CEP83: variants seen among roughly 807,000 people sequenced by gnomAD.
CEP83 encodes the protein centrosomal protein 83, also known as centrosomal protein of 83 kDa.
A neutral mutation model predicts 101.9 loss-of-function variants in CEP83; 70 were observed. The ratio of observed to expected loss-of-function variants is 0.69; its 90% CI spans 0.57 to 0.84. The LOEUF is 0.84. Ranked by LOEUF, CEP83 falls within the 40% of genes least tolerant of loss-of-function variation. The probability of loss-of-function intolerance (pLI) is 0.00; values close to 1 mark genes in which losing one functional copy is unlikely to be tolerated. For missense variants in CEP83, 715 were observed against 787.2 expected, an observed-to-expected ratio of 0.91 and a Z score of 1.10; for synonymous variants, 264 against 267.9, an observed-to-expected ratio of 0.99 and a Z score of 0.14.
At chr12:94,415,954 T>TA (rs1181247849) in intron 2 of CEP83, among the ~76,000 whole-genome samples, 1 of 151,928 alleles carries the variant, frequency 6.6e-6, no homozygotes, top group Non-Finnish European at 1.5e-5. Context: ...GCCAGGTATT[T>TA]AAAAAAAATT....
intron 14 of CEP83, among the ~76,000 whole-genome samples, chr12:94,315,673 A>C (rs1315049357): frequency 1.3e-5 from 2 of 151,764 alleles, no homozygotes; most frequent in Non-Finnish European, 2.9e-5. Context: ...ATTTTCTCCC[A>C]AGTTTTCATC....
intron 11 of CEP83, among the ~76,000 whole-genome samples, chr12:94,340,940 AG>A (rs1388463967): frequency 6.6e-6 from 1 of 152,250 alleles, no homozygotes; most frequent in East Asian, 1.9e-4. Flanking sequence ...TCCTAGATCC[AG>A]GTGTCCCTGA....
intron 2 of CEP83, among the ~76,000 whole-genome samples, chr12:94,418,465 C>T (rs2064461242): frequency 6.6e-6 from 1 of 152,094 alleles, no homozygotes; most frequent in East Asian, 1.9e-4. Flanking sequence ...TGGGAAGATA[C>T]AACTACAGAA....
In CEP83 at chr12:94,436,826, CAA is replaced by C. The variant is rs755179387; in HGVS notation, c.-154-1501_-154-1500del. On this transcript the variant is annotated intron_variant, in intron 1 of 16. Coordinates refer to ENST00000397809, the MANE Select transcript of CEP83 (RefSeq NM_016122.3). ...TGGGCAACAGGGGGAGACTCCATCTCAAAAAAAAAAAAAAGAAAGAAGGAAAG... is the reference window on the plus strand; with the variant it reads ...TGGGCAACAGGGGGAGACTCCATCTCAAAAAAAAAAAAGAAAGAAGGAAAG... Among the ~76,000 whole-genome samples, 55 of 67,162 alleles carry C rather than the reference CAA, an allele frequency of 8.2e-4. No homozygotes were observed. The East Asian group carries it at 0.013, about 16-fold the overall frequency. The allele number at this position is 67,162 out of a possible 152,430, so 44.1% of individuals were successfully genotyped here.
chr12:94,410,388 G>A (rs1336966073), intron 4 of CEP83, among the ~76,000 whole-genome samples: 1 of 152,156 alleles, frequency 6.6e-6, no homozygotes, highest in Non-Finnish European at 1.5e-5. Flanking sequence ...TAGGCATAGA[G>A]ACATAGTTAC....
intron 11 of CEP83, among the ~76,000 whole-genome samples, chr12:94,338,653 A>C (rs555165995): frequency 1.3e-5 from 2 of 152,346 alleles, no homozygotes; most frequent in Admixed American, 6.5e-5. Context: ...GAAACTGTTA[A>C]AAGTTTTAAT....
intron 11 of CEP83, among the ~76,000 whole-genome samples, chr12:94,355,491 A>C (rs2060421663): frequency 6.6e-6 from 1 of 151,742 alleles, no homozygotes; most frequent in African/African-American, 2.4e-5. Context: ...ACTCCGTCTC[A>C]AAAAAAAAGA....
At chr12:94,353,925 A>G (rs1565970098) in intron 11 of CEP83, among the ~76,000 whole-genome samples, 1 of 152,164 alleles carries the variant, frequency 6.6e-6, no homozygotes, top group African/African-American at 2.4e-5. Context: ...AAAAAACCCA[A>G]TTCAGCAAGA....
chr12:94,385,482 G>T (rs1429681080), intron 6 of CEP83, among the ~76,000 whole-genome samples: 1 of 152,120 alleles, frequency 6.6e-6, no homozygotes, highest in Non-Finnish European at 1.5e-5. Context: ...GGGAGCCCTT[G>T]TTATTACCCA....
At position 94,333,637 on chromosome 12, in the gene CEP83, T is replaced by C. The variant is rs771691930; in HGVS notation, c.1422A>G (p.Gln474=). Residue 474 remains glutamine, a splice_region_variant and synonymous_variant, in exon 13 of 17, where the codon CAA becomes CAG. Transcript: ENST00000397809. ...EKNENSDLKQ[Q]ISSLQIQVTS... is the part of the protein sequence containing the mutation. ...TCACTTGGATCTGCAAACTACTGAT[T>C]TGCTTAAAAGAGAAGAAAGAAGATA... is the stretch of plus-strand genomic sequence containing the variant. The C allele has an allele frequency of 1.2e-6, 2 of 1,611,308 alleles. No homozygotes were observed. The highest frequency in any genetic ancestry group is 1.7e-6 in the Non-Finnish European group (2 of 1,179,158).
At chr12:94,445,086 T>A (rs1364399828) in intron 1 of CEP83, among the ~76,000 whole-genome samples, 1 of 152,090 alleles carries the variant, frequency 6.6e-6, no homozygotes, top group Non-Finnish European at 1.5e-5. Flanking sequence ...CTTCACTTAT[T>A]AAAGTGCCAT....
At chr12:94,404,386 C>G (rs1228933188) in intron 4 of CEP83, among the ~76,000 whole-genome samples, 1 of 152,138 alleles carries the variant, frequency 6.6e-6, no homozygotes, top group East Asian at 1.9e-4. Context: ...AACCCAAACT[C>G]AAGCCAGGTA....
intron 16 of CEP83, 31 bp downstream of exon 16, chr12:94,309,887 T>TC: frequency 7.4e-7 from 1 of 1,352,890 alleles, no homozygotes; most frequent in East Asian, 2.5e-5. Context: ...ATGTACGACT[T>TC]TTTTTTTCCC....
intron 14 of CEP83, among the ~76,000 whole-genome samples, chr12:94,317,001 G>A (rs564880037): frequency 7.2e-5 from 11 of 152,224 alleles, no homozygotes; most frequent in African/African-American, 2.6e-4. Flanking sequence ...TTACCACACT[G>A]CTTTCCACAA....
At chr12:94,406,502 G>A (rs959331337) in intron 4 of CEP83, among the ~76,000 whole-genome samples, 1 of 152,006 alleles carries the variant, frequency 6.6e-6, no homozygotes, top group Admixed American at 6.6e-5. Flanking sequence ...GTGGGGGCAG[G>A]GGGGATAAAC....
the CEP83 span, chr12:94,278,174 C>T: frequency 2.6e-6 from 1 of 384,542 alleles, no homozygotes; most frequent in Non-Finnish European, 5.2e-6. Flanking sequence ...ATTCCCATTA[C>T]TTGATCATTT....
chr12:94,281,859 C>G, the CEP83 span: 2 of 165,044 alleles, frequency 1.2e-5, no homozygotes, highest in Non-Finnish European at 2.7e-5. Context: ...GCAGCCTTGG[C>G]CAGAGAGTCT....
At chr12:94,406,881 C>T (rs943840335) in intron 4 of CEP83, among the ~76,000 whole-genome samples, 1 of 150,866 alleles carries the variant, frequency 6.6e-6, no homozygotes, top group African/African-American at 2.4e-5. Context: ...GAGCCAAGAT[C>T]GCGCCACTGC....
chr12:94,395,736 G>C lies in CEP83; in HGVS notation c.549+5114C>G, dbSNP rs562891190. ...CTCGGGAGGCTGAGGCAGGAGAATGGCATGAACCCAGAAGGCAGAGCTTGC... is the reference window on the plus strand; with the variant it reads ...CTCGGGAGGCTGAGGCAGGAGAATGCCATGAACCCAGAAGGCAGAGCTTGC... On this transcript the variant is annotated intron_variant, in intron 6 of 16. Transcript: ENST00000397809. 2.0e-5 allele frequency among the ~76,000 whole-genome samples: 3 copies of C among 152,288 alleles called. No homozygotes were observed. The South Asian group carries it at 6.2e-4, about 32-fold the overall frequency.
Sources: allele counts gnomAD v4.1 joint callset (sites outside exome capture counted in the v4.1 genomes callset), GRCh38; gene constraint gnomAD v4.1.1; transcripts MANE v1.5; gene names NCBI Gene and HGNC (gene_info 2026-07-23, HGNC 2026-07-21).